Variants in MAML2 observed in about 807,000 individuals in gnomAD.
MAML2 encodes mastermind-like protein 2.
A neutral mutation model predicts 96.1 loss-of-function variants in MAML2; 22 were observed. The observed-to-expected ratio is 0.23, with a 90% CI of 0.16 to 0.33. The LOEUF (loss-of-function observed/expected upper bound fraction) is 0.33, where lower values mean the gene tolerates loss of function less well. MAML2 is among the 10% of genes least tolerant of loss of function. MAML2 has a pLI of 1.00. For missense variants in MAML2, 1,367 were observed against 1,392.4 expected (o/e 0.98, Z 0.29); for synonymous variants, 561 against 521.3 (o/e 1.08, Z -1.04).
intron 1 of MAML2, among the ~76,000 whole-genome samples, chr11:96,170,176 T>G (rs1396865063): frequency 6.6e-6 from 1 of 152,226 alleles, no homozygotes; most frequent in East Asian, 1.9e-4. Context: ...GTGCTCACAT[T>G]CTACATTCCA....
chr11:96,124,305 GTC>G, intron 1 of MAML2, among the ~76,000 whole-genome samples: 1 of 152,134 alleles, frequency 6.6e-6, no homozygotes, highest in East Asian at 1.9e-4. Context: ...AATAAGACCT[GTC>G]TCTGCCTTTG....
intron 2 of MAML2, among the ~76,000 whole-genome samples, chr11:96,026,128 A>T (rs1858513251): frequency 6.6e-6 from 1 of 152,220 alleles, no homozygotes; most frequent in Non-Finnish European, 1.5e-5. Context: ...GCAAACAAGT[A>T]ATTAACTGTT....
intron 1 of MAML2, among the ~76,000 whole-genome samples, chr11:96,254,499 G>A (rs140434075): frequency 4.4e-4 from 64 of 145,206 alleles, no homozygotes; most frequent in African/African-American, 1.6e-3. Flanking sequence ...ACCTATTCTT[G>A]TAAGTGTACT....
intron 1 of MAML2, among the ~76,000 whole-genome samples, chr11:96,101,873 C>T (rs2135822390): frequency 6.6e-6 from 1 of 152,338 alleles, no homozygotes; most frequent in Admixed American, 6.5e-5. Flanking sequence ...ATTCATTCAA[C>T]AGATACTTAT....
intron 1 of MAML2, among the ~76,000 whole-genome samples, chr11:96,265,184 C>A (rs545851626): frequency 4.6e-5 from 7 of 152,238 alleles, no homozygotes; most frequent in African/African-American, 1.7e-4. Flanking sequence ...TACAAGCAGG[C>A]ACGATGCAAA....
intron 1 of MAML2, among the ~76,000 whole-genome samples, chr11:96,119,569 G>A (rs1192931428): frequency 1.3e-5 from 2 of 152,154 alleles, no homozygotes; most frequent in Non-Finnish European, 2.9e-5. Flanking sequence ...TCAATTTGTG[G>A]TAATTTGTTA....
chr11:96,166,173 T>TCACA lies in MAML2; in HGVS notation c.514-72657_514-72656insTGTG, dbSNP rs1209384302. ...CTGTCTGTCTCTCTCTCTCTCTCTC[T>TCACA]CTCTCACACACACACACACACACAC... On this transcript the variant is annotated intron_variant, in intron 1 of 4. Coordinates refer to ENST00000524717, the MANE Select transcript of MAML2 (RefSeq NM_032427.4). 1.9e-3 allele frequency among the ~76,000 whole-genome samples: 210 copies of TCACA among 110,578 alleles called. 1 individual carries two copies. The highest frequency in any genetic ancestry group is 5.1e-3 in the African/African-American group (142 of 27,992). 72.5% of individuals were successfully genotyped at this position (110,578 alleles called of 152,430 possible).
At chr11:96,095,009 T>C (rs1859801571) in intron 1 of MAML2, among the ~76,000 whole-genome samples, 1 of 152,150 alleles carries the variant, frequency 6.6e-6, no homozygotes, top group Non-Finnish European at 1.5e-5. Context: ...ACAATCCCAT[T>C]AGAAAGGTAT....
intron 1 of MAML2, among the ~76,000 whole-genome samples, chr11:96,177,142 GT>G (rs1217579427): frequency 6.6e-6 from 1 of 152,202 alleles, no homozygotes; most frequent in African/African-American, 2.4e-5. Context: ...TATACTGCTG[GT>G]TTAACTCTTG....
chr11:96,333,018 T>C (rs1229145047), intron 1 of MAML2, among the ~76,000 whole-genome samples: 2 of 152,204 alleles, frequency 1.3e-5, no homozygotes, highest in African/African-American at 4.8e-5. Context: ...GAAACAGACA[T>C]GTAATTAACT....
At chr11:96,243,132 T>TACAC (rs34352998) in intron 1 of MAML2, among the ~76,000 whole-genome samples, 49 of 151,466 alleles carry the variant, frequency 3.2e-4, no homozygotes, top group Admixed American at 5.3e-4. Flanking sequence ...CATTCTCTCT[T>TACAC]ACACACACAC....
At chr11:96,245,966 G>A (rs985777291) in intron 1 of MAML2, among the ~76,000 whole-genome samples, 2 of 152,044 alleles carry the variant, frequency 1.3e-5, no homozygotes, top group Non-Finnish European at 2.9e-5. Context: ...ACCTCCCAAA[G>A]TGCTGGGATT....
At chr11:96,341,302 C>G in intron 1 of MAML2, 81 bp downstream of exon 1, 1 of 1,432,162 alleles carries the variant, frequency 7.0e-7, no homozygotes, top group South Asian at 1.5e-5. Context: ...GCCATCCACT[C>G]TACCTTAGGC....
chr11:96,304,329 G>A (rs1863434648), intron 1 of MAML2, among the ~76,000 whole-genome samples: 1 of 152,242 alleles, frequency 6.6e-6, no homozygotes, highest in African/African-American at 2.4e-5. Context: ...AAGGGTTGAT[G>A]AGGAAGCTTG....
chr11:96,136,303 A>C (rs1219489232), intron 1 of MAML2, among the ~76,000 whole-genome samples: 1 of 150,586 alleles, frequency 6.6e-6, no homozygotes, highest in Non-Finnish European at 1.5e-5. Context: ...TGACAGATGT[A>C]GTTATATGTA....
At chr11:95,996,778 A>C (rs141280292) in intron 2 of MAML2, among the ~76,000 whole-genome samples, 44 of 152,312 alleles carry the variant, frequency 2.9e-4, no homozygotes, top group Middle Eastern at 3.4e-3. Flanking sequence ...AGTTTGAAAG[A>C]AAAAACTGCT....
chr11:96,147,509 T>A (rs1860839041), intron 1 of MAML2, among the ~76,000 whole-genome samples: 1 of 152,270 alleles, frequency 6.6e-6, no homozygotes, highest in African/African-American at 2.4e-5. Flanking sequence ...AAATCGTAGA[T>A]CTGATTTATG....
At chr11:96,252,628 G>A (rs1053833744) in intron 1 of MAML2, among the ~76,000 whole-genome samples, 1 of 152,062 alleles carries the variant, frequency 6.6e-6, no homozygotes, top group African/African-American at 2.4e-5. Context: ...GTTTCACCAT[G>A]TTGGCCAGGA....
At chr11:96,280,332 A>G (rs1863047213) in intron 1 of MAML2, among the ~76,000 whole-genome samples, 1 of 152,234 alleles carries the variant, frequency 6.6e-6, no homozygotes, top group Non-Finnish European at 1.5e-5. Context: ...AAAGAAGGCA[A>G]TGAATTGCCA....
Sources: gnomAD v4.1 joint callset for allele counts (sites outside exome capture counted in the v4.1 genomes callset) on GRCh38, gnomAD v4.1.1 for gene constraint, MANE v1.5 for transcripts, NCBI Gene and HGNC (gene_info 2026-07-23, HGNC 2026-07-21) for gene names.